The following RYR2 variants were observed in gnomAD, a reference collection of about 807,000 sequenced individuals.
RYR2 encodes cardiac muscle ryanodine receptor-calcium release channel.
Under a neutral mutation model 601.1 loss-of-function variants are expected in RYR2, and 227 were observed. That is an observed-to-expected ratio of 0.38 (90% CI 0.34 to 0.42). The LOEUF is 0.42. Among genes scored for constraint, RYR2 ranks in the 10% least tolerant of loss-of-function variants. RYR2 has a pLI of 1.00. For missense variants in RYR2, 4,646 were observed against 6,156.5 expected (o/e 0.75, Z 8.21); for synonymous variants, 2,223 against 2,175.1 (o/e 1.02, Z -0.61).
intron 48 of RYR2, among the ~76,000 whole-genome samples, chr1:237,644,256 G>T (rs903396482): frequency 6.6e-6 from 1 of 151,170 alleles, no homozygotes. Context: ...TTTTTGAGAT[G>T]GAGTCTCACT....
At chr1:237,597,037 T>C (rs1033689043) in intron 34 of RYR2, among the ~76,000 whole-genome samples, 3 of 152,184 alleles carry the variant, frequency 2.0e-5, no homozygotes, top group African/African-American at 7.2e-5. Context: ...AGGATGGTAA[T>C]TACTATCATG....
intron 1 of RYR2, among the ~76,000 whole-genome samples, chr1:237,133,267 A>G (rs1672351939): frequency 6.6e-6 from 1 of 152,146 alleles, no homozygotes. Context: ...TCAGGTGGAG[A>G]GCGAGGTCAC....
chr1:237,628,996 A>G (rs1679977488), intron 41 of RYR2, among the ~76,000 whole-genome samples: 1 of 152,164 alleles, frequency 6.6e-6, no homozygotes, highest in South Asian at 2.1e-4. Context: ...AGTGAGGATA[A>G]AACAAAGATA....
intron 10 of RYR2, among the ~76,000 whole-genome samples, chr1:237,402,898 C>CCAATAG (rs1703510969): frequency 6.7e-6 from 1 of 149,050 alleles, no homozygotes; most frequent in East Asian, 1.9e-4. Flanking sequence ...CCCCCTGCTT[C>CCAATAG]AGCCTCCTGT....
intron 12 of RYR2, among the ~76,000 whole-genome samples, chr1:237,430,075 T>A (rs1186049148): frequency 6.6e-6 from 1 of 150,728 alleles, no homozygotes; most frequent in Non-Finnish European, 1.5e-5. Flanking sequence ...TTGTTATATA[T>A]ATTTCCAGAT....
intron 1 of RYR2, among the ~76,000 whole-genome samples, chr1:237,266,498 G>C (rs2149331655): frequency 6.6e-6 from 1 of 152,302 alleles, no homozygotes; most frequent in Non-Finnish European, 1.5e-5. Context: ...TGCCTACTCT[G>C]CATGCTGTCA....
At position 237,529,797 on chromosome 1, in the gene RYR2, A is replaced by ACC. The variant is rs1553486182; in HGVS notation, c.2823-629_2823-628dup. 7.5e-4 allele frequency among the ~76,000 whole-genome samples: 112 copies of ACC among 149,850 alleles called. 1 individual carries two copies. Among genetic ancestry groups the ACC allele is most frequent in the Non-Finnish European group, 1.4e-3 (96 of 67,362 alleles). ...CACACACACACACACACACACACACACCACGTATATCTGCTTTAGTAGGTA... is the reference window on the plus strand; with the variant it reads ...CACACACACACACACACACACACACACCCCACGTATATCTGCTTTAGTAGGTA... On this transcript the variant is annotated intron_variant, in intron 24 of 104. Coordinates refer to ENST00000366574, the MANE Select transcript of RYR2 (RefSeq NM_001035.3).
At chr1:237,294,135 AC>A (rs1692512556) in intron 2 of RYR2, among the ~76,000 whole-genome samples, 1 of 152,206 alleles carries the variant, frequency 6.6e-6, no homozygotes, top group Non-Finnish European at 1.5e-5. Context: ...AAATATCAGA[AC>A]AGATATTTTC....
At chr1:237,139,484 T>G (rs1164598678) in intron 1 of RYR2, among the ~76,000 whole-genome samples, 1 of 152,162 alleles carries the variant, frequency 6.6e-6, no homozygotes, top group Admixed American at 6.5e-5. Flanking sequence ...ATGGGTGAAT[T>G]GTATGGTTTA....
At position 237,081,615 on chromosome 1, in the gene RYR2, A is replaced by T. The variant is rs532243945; in HGVS notation, c.48+39046A>T. On this transcript the variant is annotated intron_variant, in intron 1 of 104. Coordinates refer to ENST00000366574, the MANE Select transcript of RYR2 (RefSeq NM_001035.3). ...TGTGTTACATATATGGCACACACAC[A>T]CATACGCACACACTCTCTCTCTCCC... Among the ~76,000 whole-genome samples the T allele has an allele frequency of 9.9e-5, 15 of 152,088 alleles. No individual in the cohort carries two copies. The South Asian group carries it at 3.1e-3, about 32-fold the overall frequency.
At chr1:237,241,378 T>C (rs1265897679) in intron 1 of RYR2, among the ~76,000 whole-genome samples, 1 of 152,214 alleles carries the variant, frequency 6.6e-6, no homozygotes, top group African/African-American at 2.4e-5. Flanking sequence ...TGAATTACTC[T>C]TGGTCAGGTT....
At chr1:237,488,992 G>T (rs1023714428) in intron 17 of RYR2, among the ~76,000 whole-genome samples, 2 of 152,140 alleles carry the variant, frequency 1.3e-5, no homozygotes, top group Non-Finnish European at 2.9e-5. Flanking sequence ...ACTATTACAG[G>T]CCGCGTGGAC....
chr1:237,501,029 C>A (rs760654647), intron 21 of RYR2, 126 bp downstream of exon 21: 5 of 891,974 alleles, frequency 5.6e-6, no homozygotes, highest in East Asian at 2.6e-5. Flanking sequence ...CTGTCCTCTG[C>A]GCATTTTGCC....
intron 8 of RYR2, 29 bp from the exon 9 acceptor site, chr1:237,387,252 G>T: frequency 1.2e-6 from 2 of 1,603,280 alleles, no homozygotes; most frequent in South Asian, 1.1e-5. Context: ...AGAGCCTGAA[G>T]TGATGCCTCC....
chr1:237,166,500 AT>A (rs5781937), intron 1 of RYR2, among the ~76,000 whole-genome samples: 3 of 151,206 alleles, frequency 2.0e-5, no homozygotes, highest in African/African-American at 7.3e-5. Context: ...AATTATTTGC[AT>A]TTTTTTTTAG....
chr1:237,346,315 G>A (rs1698305201), intron 3 of RYR2, among the ~76,000 whole-genome samples: 2 of 146,908 alleles, frequency 1.4e-5, no homozygotes, highest in Non-Finnish European at 3.0e-5. Flanking sequence ...GCTAAAGTGA[G>A]TGCTACTACT....
intron 2 of RYR2, among the ~76,000 whole-genome samples, chr1:237,308,801 T>A (rs1307482600): frequency 1.3e-5 from 2 of 152,244 alleles, no homozygotes; most frequent in Admixed American, 1.3e-4. Flanking sequence ...AGGTTGCCTC[T>A]GCTGGCTTGG....
chr1:237,182,355 C>T (rs1018815043), intron 1 of RYR2, among the ~76,000 whole-genome samples: 2 of 151,894 alleles, frequency 1.3e-5, no homozygotes, highest in Non-Finnish European at 2.9e-5. Flanking sequence ...CTCCTGACCT[C>T]GTGATCCACC....
At chr1:237,260,026 T>G (rs1688365891) in intron 1 of RYR2, among the ~76,000 whole-genome samples, 1 of 152,222 alleles carries the variant, frequency 6.6e-6, no homozygotes, top group Non-Finnish European at 1.5e-5. Context: ...TTTTAGTTCA[T>G]GCATACAAGG....
Sources: gnomAD v4.1 joint callset for allele counts (sites outside exome capture counted in the v4.1 genomes callset) on GRCh38, gnomAD v4.1.1 for gene constraint, MANE v1.5 for transcripts, NCBI Gene and HGNC (gene_info 2026-07-23, HGNC 2026-07-21) for gene names.